The following CSMD3 variants were observed in gnomAD, a reference collection of about 807,000 sequenced individuals.
CSMD3 encodes the protein CUB and Sushi multiple domains 3.
A neutral mutation model predicts 435.2 loss-of-function variants in CSMD3; 177 were observed. That is an observed-to-expected ratio of 0.41 (90% CI 0.36 to 0.46). CSMD3 has a LOEUF of 0.46. Among genes scored for constraint, CSMD3 ranks in the 20% least tolerant of loss-of-function variants. CSMD3 has a pLI of 0.34. For missense variants in CSMD3, 4,265 were observed against 4,504.6 expected (o/e 0.95, Z 1.52); for synonymous variants, 1,656 against 1,520.5 (o/e 1.09, Z -2.07).
At position 112,939,740 on chromosome 8, in the gene CSMD3, C is replaced by A. The variant is rs534962982; in HGVS notation, c.1508+8050G>T. 1.1e-4 allele frequency among the ~76,000 whole-genome samples: 16 copies of A among 151,958 alleles called. No individual in the cohort carries two copies. The East Asian group carries it at 1.5e-3, about 15-fold the overall frequency. ...CAAACCCTTGAAAGGAGATCAGATT[C>A]TTGAAGAAAAAGTGAGTTTTGAAGT... On this transcript the variant is annotated intron_variant, in intron 9 of 70. Transcript: ENST00000297405.
intron 38 of CSMD3, among the ~76,000 whole-genome samples, chr8:112,376,156 A>G (rs1828920330): frequency 6.6e-6 from 1 of 152,122 alleles, no homozygotes; most frequent in African/African-American, 2.4e-5. Context: ...CTTTTGGGTG[A>G]TCTACCACAA....
intron 5 of CSMD3, among the ~76,000 whole-genome samples, chr8:113,079,464 C>G (rs2089469559): frequency 6.6e-6 from 1 of 151,832 alleles, no homozygotes; most frequent in South Asian, 2.1e-4. Flanking sequence ...TACATTTTAT[C>G]TTCCTAAGTA....
intron 1 of CSMD3, among the ~76,000 whole-genome samples, chr8:113,358,351 A>G (rs1036372983): frequency 3.9e-5 from 6 of 152,146 alleles, no homozygotes; most frequent in Non-Finnish European, 7.4e-5. Context: ...GTGTTTTTAA[A>G]AATAGGAAAC....
intron 3 of CSMD3, among the ~76,000 whole-genome samples, chr8:113,206,575 ACC>A (rs1433211154): frequency 6.6e-6 from 1 of 151,840 alleles, no homozygotes; most frequent in Non-Finnish European, 1.5e-5. Flanking sequence ...GTACCCCGAA[ACC>A]CCTCAATCCA....
chr8:112,513,933 A>G (rs1823405622), intron 28 of CSMD3, among the ~76,000 whole-genome samples: 1 of 152,200 alleles, frequency 6.6e-6, no homozygotes, highest in African/African-American at 2.4e-5. Flanking sequence ...AGATGCATAC[A>G]TACATGTAGA....
chr8:112,647,493 G>C (rs937901451), intron 19 of CSMD3, among the ~76,000 whole-genome samples: 1 of 151,988 alleles, frequency 6.6e-6, no homozygotes, highest in African/African-American at 2.4e-5. Flanking sequence ...ATTTTTGGTA[G>C]AGACAGGTTT....
intron 70 of CSMD3, among the ~76,000 whole-genome samples, chr8:112,226,285 A>C (rs1237173037): frequency 6.6e-6 from 1 of 152,188 alleles, no homozygotes; most frequent in Non-Finnish European, 1.5e-5. Flanking sequence ...ACTAGATTTA[A>C]AATAAAAACC....
At chr8:112,987,159 A>G (rs1269970052) in intron 6 of CSMD3, among the ~76,000 whole-genome samples, 1 of 152,078 alleles carries the variant, frequency 6.6e-6, no homozygotes, top group Non-Finnish European at 1.5e-5. Flanking sequence ...AAAAAAATTT[A>G]ATCATTAGTG....
chr8:113,170,229 T>C (rs1021606404), intron 4 of CSMD3, among the ~76,000 whole-genome samples: 3 of 152,160 alleles, frequency 2.0e-5, no homozygotes, highest in Non-Finnish European at 4.4e-5. Flanking sequence ...TGCCATCTTT[T>C]CTTTGGAAAT....
At chr8:112,728,984 T>C (rs1290412341) in intron 13 of CSMD3, among the ~76,000 whole-genome samples, 1 of 152,068 alleles carries the variant, frequency 6.6e-6, no homozygotes, top group Non-Finnish European at 1.5e-5. Flanking sequence ...AACACACATA[T>C]ATATATTTTA....
At chr8:113,023,555 A>C (rs2086763196) in intron 5 of CSMD3, among the ~76,000 whole-genome samples, 1 of 152,090 alleles carries the variant, frequency 6.6e-6, no homozygotes, top group African/African-American at 2.4e-5. Context: ...TTATGGCCCT[A>C]TGTTGAGCTG....
At chr8:112,549,045 A>G (rs1827443548) in intron 27 of CSMD3, among the ~76,000 whole-genome samples, 1 of 152,094 alleles carries the variant, frequency 6.6e-6, no homozygotes, top group Non-Finnish European at 1.5e-5. Context: ...GATAAGGTTG[A>G]GTGTAAAGTG....
intron 2 of CSMD3, among the ~76,000 whole-genome samples, chr8:113,283,646 A>T (rs1563649688): frequency 6.6e-6 from 1 of 152,136 alleles, no homozygotes; most frequent in African/African-American, 2.4e-5. Context: ...GTAATCTATT[A>T]TAACTACTAT....
chr8:113,201,107 C>T (rs1284825948), intron 3 of CSMD3, among the ~76,000 whole-genome samples: 2 of 151,930 alleles, frequency 1.3e-5, no homozygotes, highest in Non-Finnish European at 2.9e-5. Context: ...AACTAGATCT[C>T]ATTGCATAGG....
chr8:112,670,019 C>T (rs575400951), intron 16 of CSMD3, among the ~76,000 whole-genome samples: 5 of 152,062 alleles, frequency 3.3e-5, no homozygotes, highest in Non-Finnish European at 5.9e-5. Context: ...AAGACAGAAA[C>T]ATTAACAAAA....
intron 3 of CSMD3, among the ~76,000 whole-genome samples, chr8:113,222,772 T>C (rs189681448): frequency 2.2e-3 from 340 of 151,228 alleles, no homozygotes; most frequent in African/African-American, 7.9e-3. Flanking sequence ...GCATAAGAGT[T>C]GTGATTGTGA....
chr8:112,690,170 T>G, intron 13 of CSMD3, 120 bp from the exon 14 acceptor site: 1 of 750,524 alleles, frequency 1.3e-6, no homozygotes, highest in South Asian at 1.6e-5. Flanking sequence ...AAAATAAATA[T>G]ATTCTCCAAT....
intron 13 of CSMD3, among the ~76,000 whole-genome samples, chr8:112,712,214 A>C (rs1023127690): frequency 6.6e-6 from 1 of 152,180 alleles, no homozygotes; most frequent in African/African-American, 2.4e-5. Flanking sequence ...TATGAAGAGC[A>C]GGATCCTCAA....
At chr8:112,655,368 C>T (rs972160475) in intron 18 of CSMD3, among the ~76,000 whole-genome samples, 5 of 151,894 alleles carry the variant, frequency 3.3e-5, no homozygotes, top group Non-Finnish European at 5.9e-5. Context: ...GTGCATTTCA[C>T]GTAAAAGTAT....
Sources: allele counts gnomAD v4.1 joint callset (sites outside exome capture counted in the v4.1 genomes callset), GRCh38; gene constraint gnomAD v4.1.1; transcripts MANE v1.5; gene names NCBI Gene and HGNC (gene_info 2026-07-23, HGNC 2026-07-21).